The following EXOC4 variants were observed in gnomAD, a reference collection of about 807,000 sequenced individuals.
The protein encoded by EXOC4 is SEC8-like 1.
EXOC4 carries 71 observed loss-of-function variants against 107.2 expected under a neutral mutation model. The ratio of observed to expected loss-of-function variants is 0.66; its 90% CI spans 0.55 to 0.81. EXOC4 has a LOEUF of 0.81. EXOC4 is among the 30% of genes least tolerant of loss of function. EXOC4 has a pLI of 0.00. For synonymous variants in EXOC4, 456 were observed against 441.2 expected (o/e 1.03, Z -0.42); for missense variants, 1,108 against 1,189.6 (o/e 0.93, Z 1.01).
At chr7:133,531,001 C>T (rs1584980944) in intron 9 of EXOC4, among the ~76,000 whole-genome samples, 1 of 151,996 alleles carries the variant, frequency 6.6e-6, no homozygotes, top group Non-Finnish European at 1.5e-5. Context: ...TTTCTGACAT[C>T]GTGGCCAGAC....
intron 10 of EXOC4, among the ~76,000 whole-genome samples, chr7:133,755,280 T>C (rs1344565097): frequency 1.9e-4 from 20 of 104,186 alleles, no homozygotes; most frequent in African/African-American, 8.1e-4. Flanking sequence ...ATATTATATA[T>C]ATTATATACA....
intron 17 of EXOC4, among the ~76,000 whole-genome samples, chr7:134,036,000 A>G (rs938189565): frequency 9.9e-5 from 15 of 151,986 alleles, no homozygotes; most frequent in Non-Finnish European, 1.9e-4. Context: ...TCTTACGGCC[A>G]CTCTTCAGCA....
At chr7:133,317,987 TG>T (rs1324513980) in intron 5 of EXOC4, among the ~76,000 whole-genome samples, 5 of 152,216 alleles carry the variant, frequency 3.3e-5, no homozygotes, top group Non-Finnish European at 7.3e-5. Context: ...AAGTTGAGTT[TG>T]GATGCTTTTT....
rs1491287737 is a variant in EXOC4, at chr7:133,755,264, T to TATATATAA, written c.1515-62061_1515-62060insATATATAA. Among the ~76,000 whole-genome samples, 80 of 94,242 alleles carry TATATATAA rather than the reference T, an allele frequency of 8.5e-4. 1 individual carries two copies. The highest frequency in any genetic ancestry group is 3.4e-3 in the African/African-American group (73 of 21,550). The allele number at this position is 94,242 out of a possible 152,430, so 61.8% of individuals were successfully genotyped here. ...ATATAATATATATATTATATATATA[T>TATATATAA]TATATATATTATATATATTATATAC... On this transcript the variant is annotated intron_variant, in intron 10 of 17. Transcript: ENST00000253861.
intron 11 of EXOC4, among the ~76,000 whole-genome samples, chr7:133,873,132 G>A (rs1798782436): frequency 6.6e-6 from 1 of 152,178 alleles, no homozygotes; most frequent in Admixed American, 6.5e-5. Context: ...AACATAGTGA[G>A]ACCCCATCTC....
At chr7:134,053,860 AAAG>A (rs1317762209) in intron 17 of EXOC4, among the ~76,000 whole-genome samples, 1 of 152,286 alleles carries the variant, frequency 6.6e-6, no homozygotes, top group Admixed American at 6.5e-5. Flanking sequence ...GTATAAAGCA[AAAG>A]AAGAACTATG....
At chr7:134,001,779 A>G (rs1235555104) in intron 15 of EXOC4, among the ~76,000 whole-genome samples, 2 of 152,204 alleles carry the variant, frequency 1.3e-5, no homozygotes, top group African/African-American at 4.8e-5. Flanking sequence ...GCCTGTGCTG[A>G]CCTGGCCTGT....
intron 10 of EXOC4, among the ~76,000 whole-genome samples, chr7:133,738,890 TCTTC>T (rs1243533504): frequency 1.3e-5 from 2 of 152,290 alleles, no homozygotes; most frequent in African/African-American, 2.4e-5. Context: ...TCTAGATTAG[TCTTC>T]CTTTTTATAT....
At chr7:133,681,261 A>G (rs1794180888) in intron 10 of EXOC4, among the ~76,000 whole-genome samples, 1 of 150,314 alleles carries the variant, frequency 6.7e-6, no homozygotes, top group African/African-American at 2.4e-5. Context: ...GCTGTAACTT[A>G]GAGAAATTAG....
At chr7:133,946,879 C>T (rs942895045) in intron 14 of EXOC4, among the ~76,000 whole-genome samples, 2 of 152,214 alleles carry the variant, frequency 1.3e-5, no homozygotes, top group African/African-American at 4.8e-5. Context: ...TTTTCCCTTT[C>T]CTGTCATTGA....
chr7:133,965,048 T>A (rs1801031171), intron 14 of EXOC4, among the ~76,000 whole-genome samples: 1 of 152,250 alleles, frequency 6.6e-6, no homozygotes, highest in African/African-American at 2.4e-5. Flanking sequence ...GGTATCTCAT[T>A]GTGATTTTGA....
chr7:133,988,366 CCTT>C (rs1375888044), intron 14 of EXOC4, among the ~76,000 whole-genome samples: 6 of 152,152 alleles, frequency 3.9e-5, no homozygotes, highest in Admixed American at 6.5e-5. Flanking sequence ...GCAAGTTGCT[CCTT>C]CTTTTTTCTG....
chr7:134,037,449 T>C (rs1045613515), intron 17 of EXOC4, among the ~76,000 whole-genome samples: 2 of 152,250 alleles, frequency 1.3e-5, no homozygotes, highest in Non-Finnish European at 2.9e-5. Context: ...ATTGAATTTC[T>C]CTAGCATTTT....
chr7:134,041,189 G>A (rs749324163), intron 17 of EXOC4, among the ~76,000 whole-genome samples: 4 of 152,072 alleles, frequency 2.6e-5, no homozygotes, highest in Non-Finnish European at 5.9e-5. Flanking sequence ...GCTTTAGTCA[G>A]CAAAATATAT....
At chr7:134,073,221 A>AAAAAAAC in the EXOC4 span, among the ~76,000 whole-genome samples, 1 of 46,216 alleles carries the variant, frequency 2.2e-5, no homozygotes, top group African/African-American at 1.1e-4. Context: ...AAAAAAAAAA[A>AAAAAAAC]AAAAAAAAAA....
chr7:133,839,066 T>C (rs370066383), intron 11 of EXOC4, among the ~76,000 whole-genome samples: 4 of 152,344 alleles, frequency 2.6e-5, no homozygotes, highest in African/African-American at 9.6e-5. Context: ...ACCTAGGTAT[T>C]ATGCAAGAAA....
intron 9 of EXOC4, among the ~76,000 whole-genome samples, chr7:133,495,010 G>A (rs1799444979): frequency 2.0e-5 from 3 of 152,008 alleles, no homozygotes; most frequent in Non-Finnish European, 1.5e-5. Flanking sequence ...GGTGGCTCAC[G>A]CCTGTAATCC....
chr7:133,976,046 A>G (rs1234463133), intron 14 of EXOC4, among the ~76,000 whole-genome samples: 2 of 152,206 alleles, frequency 1.3e-5, no homozygotes, highest in Non-Finnish European at 2.9e-5. Flanking sequence ...ATCACAGATG[A>G]GTGCATATAG....
chr7:133,352,683 AT>A (rs1328107831), intron 5 of EXOC4, among the ~76,000 whole-genome samples: 1 of 151,612 alleles, frequency 6.6e-6, no homozygotes, highest in Admixed American at 6.6e-5. Context: ...ACATTTTGCT[AT>A]TTTTTTCTAT....
Sources: gnomAD v4.1 joint callset for allele counts (sites outside exome capture counted in the v4.1 genomes callset) on GRCh38, gnomAD v4.1.1 for gene constraint, MANE v1.5 for transcripts, NCBI Gene and HGNC (gene_info 2026-07-23, HGNC 2026-07-21) for gene names.